SYBU: variants seen among roughly 807,000 people sequenced by gnomAD.
The protein encoded by SYBU is GOLSYN A protein.
SYBU carries 21 observed loss-of-function variants against 35.9 expected under a neutral mutation model. That is an observed-to-expected ratio of 0.58 (90% confidence interval 0.41 to 0.84). The LOEUF (loss-of-function observed/expected upper bound fraction) is 0.84. Ranked by LOEUF, SYBU falls within the 40% of genes least tolerant of loss-of-function variation. The pLI is 0.00. For synonymous variants in SYBU, 319 were observed against 324.3 expected (o/e 0.98, Z 0.18); for missense variants, 768 against 848.2 (o/e 0.91, Z 1.17).
At chr8:109,610,905 G>A (rs1388438862) in intron 3 of SYBU, among the ~76,000 whole-genome samples, 1 of 152,138 alleles carries the variant, frequency 6.6e-6, no homozygotes, top group Non-Finnish European at 1.5e-5. Context: ...CCAAGCTGTT[G>A]CCAGCACCCA....
chr8:109,601,446 T>C (rs1009183107), intron 3 of SYBU, among the ~76,000 whole-genome samples: 6 of 152,176 alleles, frequency 3.9e-5, no homozygotes, highest in African/African-American at 1.4e-4. Context: ...GGGGGAGGCA[T>C]GGAGAAACAG....
At chr8:109,578,136 C>A in intron 5 of SYBU, 119 bp from the exon 6 acceptor site, 1 of 1,130,608 alleles carries the variant, frequency 8.8e-7, no homozygotes, top group East Asian at 2.5e-5. Flanking sequence ...ATATGTTGAA[C>A]TTCTTACCCC....
intron 2 of SYBU, among the ~76,000 whole-genome samples, chr8:109,640,973 G>A (rs1814809151): frequency 1.3e-5 from 2 of 152,152 alleles, no homozygotes; most frequent in African/African-American, 2.4e-5. Flanking sequence ...GCAGTGGAAT[G>A]TTAGGTCCTG....
At chr8:109,616,006 CT>C (rs35120699) in intron 3 of SYBU, among the ~76,000 whole-genome samples, 4,300 of 67,864 alleles carry the variant, frequency 0.063, 30 homozygotes, top group East Asian at 0.086. Flanking sequence ...TCTTTTCTTT[CT>C]TTTTTTTTTT....
intron 1 of SYBU, among the ~76,000 whole-genome samples, chr8:109,658,948 T>A (rs1309578147): frequency 6.7e-6 from 1 of 148,150 alleles, no homozygotes; most frequent in Non-Finnish European, 1.5e-5. Context: ...AGAGCGAGAC[T>A]CTGCCTAAAA....
At position 109,644,128 on chromosome 8, in the gene SYBU, G is replaced by T. The variant is rs913603005; in HGVS notation, c.24+508C>A. On this transcript the variant is annotated intron_variant, in intron 1 of 6. Transcript: ENST00000276646. ...AAATTGAAGGGTAAACCTCAGCAAT[G>T]GGGAACTTCGGAGGGCCCTCAGGCA... 16 of 457,830 alleles carry T rather than the reference G, an allele frequency of 3.5e-5. No individual in the cohort carries two copies. The Admixed American group carries it at 3.8e-4, about 11-fold the overall frequency. The allele number at this position is 457,830 out of a possible 1,614,324, so 28.4% of individuals were successfully genotyped here. A position where few individuals can be genotyped will look rare whatever the true frequency, so the allele number is the denominator to read the frequency against.
intron 1 of SYBU, among the ~76,000 whole-genome samples, chr8:109,659,529 C>T (rs1195219210): frequency 2.0e-5 from 3 of 152,124 alleles, no homozygotes; most frequent in Admixed American, 2.0e-4. Context: ...TTGACAAAAG[C>T]ATTATATTTC....
chr8:109,608,291 A>G (rs1203202505), intron 3 of SYBU, among the ~76,000 whole-genome samples: 3 of 152,246 alleles, frequency 2.0e-5, no homozygotes, highest in Non-Finnish European at 4.4e-5. Flanking sequence ...TCCTCGGACA[A>G]TATTGGACCA....
upstream of SYBU, among the ~76,000 whole-genome samples, chr8:109,685,342 T>C (rs1460686058): frequency 6.6e-6 from 1 of 152,238 alleles, no homozygotes; most frequent in East Asian, 1.9e-4. Flanking sequence ...AATGCATACC[T>C]CTTCTTAAGT....
intron 1 of SYBU, among the ~76,000 whole-genome samples, chr8:109,654,208 A>G (rs1816266491): frequency 6.6e-6 from 1 of 152,164 alleles, no homozygotes; most frequent in Admixed American, 6.5e-5. Flanking sequence ...CAAACGTCTG[A>G]AAAAGTTACT....
chr8:109,647,514 C>G (rs1815828214), upstream of SYBU: 1 of 152,150 alleles, frequency 6.6e-6, no homozygotes, highest in African/African-American at 2.4e-5. Context: ...TCAGAATTCC[C>G]CATTTACTTG....
chr8:109,582,600 A>C (rs889947553), intron 4 of SYBU, among the ~76,000 whole-genome samples: 4 of 152,172 alleles, frequency 2.6e-5, no homozygotes, highest in Non-Finnish European at 4.4e-5. Context: ...TGAGTGACTC[A>C]GGTGAATTTC....
intron 1 of SYBU, among the ~76,000 whole-genome samples, chr8:109,672,188 A>G (rs905204980): frequency 7.2e-5 from 11 of 152,298 alleles, no homozygotes; most frequent in African/African-American, 2.6e-4. Context: ...GGTGTGAGCC[A>G]CCAAGCCCAG....
At chr8:109,644,826 C>T (rs1791870257), upstream of SYBU, 7 of 667,864 alleles carry the variant, frequency 1.0e-5, no homozygotes, top group East Asian at 2.5e-4. Flanking sequence ...TTGCTCTGGG[C>T]TCCGAGGGCA....
chr8:109,656,339 A>AT (rs1816355071), intron 1 of SYBU, among the ~76,000 whole-genome samples: 1 of 152,162 alleles, frequency 6.6e-6, no homozygotes, highest in African/African-American at 2.4e-5. Flanking sequence ...ATTTTTGCAT[A>AT]TATTTTTTTC....
In SYBU at chr8:109,586,113, A is replaced by T. The variant is rs770282995; in HGVS notation, c.477T>A (p.Ala159=). The change falls in exon 4 of 7, where the codon GCT becomes GCA. Residue 159 remains alanine (A), a synonymous_variant. Coordinates refer to ENST00000276646, the MANE Select transcript of SYBU (RefSeq NM_001099754.2). ...CCGCAGTCGACATATGGACCTCAGG[A>T]GCGGAAATGCTGCCTGTGCTGCTCG... ...SSSSSTGSIS[A]PEVHMSTAGS... is the part of the protein sequence containing the mutation. 7 of 1,612,100 alleles carry T rather than the reference A, an allele frequency of 4.3e-6. No homozygotes were observed. The East Asian group carries it at 1.6e-4, about 36-fold the overall frequency.
intron 3 of SYBU, among the ~76,000 whole-genome samples, chr8:109,596,528 T>A (rs1260846109): frequency 6.6e-6 from 1 of 152,254 alleles, no homozygotes; most frequent in Non-Finnish European, 1.5e-5. Flanking sequence ...ATCACATCTA[T>A]GTATTTTTAA....
intron 2 of SYBU, among the ~76,000 whole-genome samples, chr8:109,633,012 A>T (rs942191217): frequency 1.3e-5 from 2 of 152,234 alleles, no homozygotes; most frequent in African/African-American, 4.8e-5. Flanking sequence ...AACAGAAAGG[A>T]TCACAGATCA....
chr8:109,599,948 C>T (rs537332135), intron 3 of SYBU, among the ~76,000 whole-genome samples: 3 of 152,324 alleles, frequency 2.0e-5, no homozygotes, highest in Admixed American at 6.5e-5. Flanking sequence ...GGATTATTTT[C>T]CCATCCCTCT....
Sources: allele counts gnomAD v4.1 joint callset (sites outside exome capture counted in the v4.1 genomes callset), GRCh38; gene constraint gnomAD v4.1.1; transcripts MANE v1.5; gene names NCBI Gene and HGNC (gene_info 2026-07-23, HGNC 2026-07-21).